Variants in AIG1 observed in about 807,000 individuals in gnomAD.
The protein encoded by AIG1 is androgen induced 1.
A neutral mutation model predicts 31.4 loss-of-function variants in AIG1; 23 were observed. The ratio of observed to expected loss-of-function variants is 0.73; its 90% confidence interval spans 0.53 to 1.04. The LOEUF is 1.04. Ranked by LOEUF, AIG1 falls within the 50% of genes least tolerant of loss-of-function variation. The pLI is 0.00. For missense variants in AIG1, 274 were observed against 295.0 expected, an observed-to-expected ratio of 0.93 and a Z score of 0.52; for synonymous variants, 100 against 110.5, an observed-to-expected ratio of 0.90 and a Z score of 0.60.
At chr6:143,134,328 A>G (rs1783531916) in intron 1 of AIG1, among the ~76,000 whole-genome samples, 9 of 149,648 alleles carry the variant, frequency 6.0e-5, no homozygotes, top group Admixed American at 6.0e-4. Flanking sequence ...ATATCCCTGC[A>G]TCCTTAAATT....
chr6:143,252,864 A>G (rs1795107112), intron 3 of AIG1, among the ~76,000 whole-genome samples: 1 of 152,186 alleles, frequency 6.6e-6, no homozygotes, highest in South Asian at 2.1e-4. Flanking sequence ...GACCGGGGAA[A>G]GATCTGCTTC....
At position 143,251,504 on chromosome 6, in the gene AIG1, CTT is replaced by C. The variant is rs574460221; in HGVS notation, c.400-32605_400-32604del. ...CACTGTTTGCAAACTAGATTGGACT[CTT>C]CAAATTTTGGCCTGGGGTAGAGGGT... On this transcript the variant is annotated intron_variant, in intron 3 of 5. Coordinates refer to ENST00000357847, the MANE Select transcript of AIG1 (RefSeq NM_016108.4). 5.0e-3 allele frequency among the ~76,000 whole-genome samples: 713 copies of C among 141,592 alleles called. 6 individuals are homozygous for C. Among genetic ancestry groups the C allele is most frequent in the African/African-American group, 0.019 (666 of 34,718 alleles). 92.9% of individuals were successfully genotyped at this position (141,592 alleles called of 152,430 possible).
chr6:143,263,320 T>A (rs1471209351), intron 3 of AIG1, among the ~76,000 whole-genome samples: 1 of 152,006 alleles, frequency 6.6e-6, no homozygotes, highest in Admixed American at 6.6e-5. Flanking sequence ...AGCTTCTACT[T>A]CCTTCTCACT....
downstream of AIG1, chr6:143,342,846 C>T: frequency 1.2e-6 from 1 of 817,072 alleles, no homozygotes; most frequent in African/African-American, 1.7e-5. Context: ...CTAATCCAGC[C>T]TCAAAAGTCC....
At chr6:143,085,054 T>C (rs1003458331) in intron 1 of AIG1, among the ~76,000 whole-genome samples, 1 of 152,342 alleles carries the variant, frequency 6.6e-6, no homozygotes, top group East Asian at 1.9e-4. Flanking sequence ...CATCTCTCCA[T>C]GTCAGATCAA....
intron 4 of AIG1, among the ~76,000 whole-genome samples, chr6:143,285,187 C>T (rs973009554): frequency 1.3e-5 from 2 of 151,964 alleles, no homozygotes; most frequent in Non-Finnish European, 2.9e-5. Flanking sequence ...ATAAAGGTCA[C>T]TACAGTACCT....
chr6:143,218,395 T>C (rs1297662108), intron 3 of AIG1, among the ~76,000 whole-genome samples: 1 of 152,222 alleles, frequency 6.6e-6, no homozygotes, highest in Non-Finnish European at 1.5e-5. Flanking sequence ...TACCTTTCCC[T>C]ACATGCCAGG....
intron 3 of AIG1, among the ~76,000 whole-genome samples, chr6:143,248,211 C>T (rs1794751191): frequency 6.6e-6 from 1 of 152,080 alleles, no homozygotes; most frequent in Non-Finnish European, 1.5e-5. Flanking sequence ...CAGTACATAC[C>T]AATATCTGCA....
chr6:143,119,705 C>T (rs866542128), intron 1 of AIG1, among the ~76,000 whole-genome samples: 3 of 152,128 alleles, frequency 2.0e-5, no homozygotes, highest in African/African-American at 7.2e-5. Flanking sequence ...TGGGAAGAAG[C>T]CTTCGTTCCT....
chr6:143,064,362 A>G (rs1476553175), intron 1 of AIG1, among the ~76,000 whole-genome samples: 1 of 152,194 alleles, frequency 6.6e-6, no homozygotes, highest in East Asian at 1.9e-4. Flanking sequence ...GGGTTTGAAG[A>G]TGGAGGATGG....
intron 3 of AIG1, among the ~76,000 whole-genome samples, chr6:143,246,329 AATCATC>A (rs1794621909): frequency 6.6e-6 from 1 of 152,158 alleles, no homozygotes; most frequent in Non-Finnish European, 1.5e-5. Flanking sequence ...AAGGCCTCAC[AATCATC>A]GTGGAAGGCA....
At chr6:143,161,954 TA>T (rs879881489) in intron 2 of AIG1, among the ~76,000 whole-genome samples, 41 of 150,342 alleles carry the variant, frequency 2.7e-4, no homozygotes, top group African/African-American at 9.0e-4. Context: ...GGCAGTGCAA[TA>T]AAAAAAAAGA....
rs146619693 is a variant in AIG1, at chr6:143,327,411, C to T, written c.516-5871C>T. The T allele has an allele frequency of 3.9e-3, 1,345 of 343,994 alleles. 11 individuals are homozygous for T. Among genetic ancestry groups the T allele is most frequent in the Non-Finnish European group, 4.2e-3 (752 of 180,148 alleles). 21.3% of individuals were successfully genotyped at this position (343,994 alleles called of 1,614,324 possible). ...GGCTTCAAGAAGTCTGCCCCTTGGG[C>T]ACTCAAAGAGATCTGGAAATTTGCC... On this transcript the variant is annotated intron_variant, in intron 4 of 5. Transcript: ENST00000357847. The surrounding 1 kb of genome is among the most constrained non-coding windows in gnomAD (Gnocchi z 5.3).
chr6:143,298,859 G>A lies in AIG1; in HGVS notation c.515+14634G>A, dbSNP rs1303791950. On this transcript the variant is annotated intron_variant, in intron 4 of 5. Transcript: ENST00000357847. This position sits in a 1 kb window ranked among gnomAD's most constrained non-coding sequence, Gnocchi z 5.1. ...AAGACAGTCGCTAGCCACAGTATGT[G>A]CACTCAGAAGAAGGGAAATCTTAAT... 6.6e-6 allele frequency: 1 copy of A among 152,242 alleles called. No homozygotes were observed. The highest frequency in any genetic ancestry group is 1.5e-5 in the Non-Finnish European group (1 of 68,038). The allele number at this position is 152,242 out of a possible 1,614,324, so 9.4% of individuals were successfully genotyped here.
intron 3 of AIG1, among the ~76,000 whole-genome samples, chr6:143,201,750 A>G (rs1363240180): frequency 6.6e-6 from 1 of 152,138 alleles, no homozygotes; most frequent in Non-Finnish European, 1.5e-5. Flanking sequence ...TTTCCTTCCT[A>G]TCCTACTAGG....
chr6:143,091,781 A>T (rs546016278), intron 1 of AIG1, among the ~76,000 whole-genome samples: 1 of 152,238 alleles, frequency 6.6e-6, no homozygotes, highest in African/African-American at 2.4e-5. Context: ...TCCAAATATT[A>T]TCAATTAATT....
At chr6:143,321,313 A>G (rs1776191379) in intron 4 of AIG1, among the ~76,000 whole-genome samples, 2 of 151,964 alleles carry the variant, frequency 1.3e-5, no homozygotes, top group African/African-American at 4.8e-5. Flanking sequence ...TTAAAAAATG[A>G]ATTAGGCCAG....
At chr6:143,192,232 G>C (rs937920704) in intron 3 of AIG1, among the ~76,000 whole-genome samples, 38 of 152,280 alleles carry the variant, frequency 2.5e-4, no homozygotes, top group African/African-American at 8.9e-4. Context: ...GGCCTCTGCC[G>C]CCATGCATGT....
In AIG1 at chr6:143,089,541, C is replaced by T. The variant is rs560700320; in HGVS notation, c.141+28475C>T. On this transcript the variant is annotated intron_variant, in intron 1 of 5. Coordinates refer to ENST00000357847, the MANE Select transcript of AIG1 (RefSeq NM_016108.4). ...AATGAGATAATGTATTTTTCTTAGTCCATTTGTATTGCTATAAAGGAATAC... is the reference window on the plus strand; with the variant it reads ...AATGAGATAATGTATTTTTCTTAGTTCATTTGTATTGCTATAAAGGAATAC... Among the ~76,000 whole-genome samples the T allele has an allele frequency of 1.5e-3, 227 of 152,214 alleles. 2 individuals carry two copies. In the Middle Eastern group the frequency reaches 0.027, roughly 18 times the overall value.
Sources: gnomAD v4.1 joint callset for allele counts (sites outside exome capture counted in the v4.1 genomes callset) on GRCh38, gnomAD v4.1.1 for gene constraint, Gnocchi (gnomAD v3.1) non-coding constraint, MANE v1.5 for transcripts, NCBI Gene and HGNC (gene_info 2026-07-23, HGNC 2026-07-21) for gene names.